HMBOX1: variants seen among roughly 807,000 people sequenced by gnomAD.
The protein encoded by HMBOX1 is homeobox containing 1.
HMBOX1 carries 14 observed loss-of-function variants against 54.5 expected under a neutral mutation model. The ratio of observed to expected loss-of-function variants is 0.26; its 90% CI spans 0.17 to 0.40. HMBOX1 has a LOEUF of 0.40. Ranked by LOEUF, HMBOX1 falls within the 10% of genes least tolerant of loss-of-function variation. HMBOX1 has a pLI of 1.00. For synonymous variants in HMBOX1, 160 were observed against 181.0 expected, an observed-to-expected ratio of 0.88 and a Z score of 0.93; for missense variants, 332 against 514.4, an observed-to-expected ratio of 0.65 and a Z score of 3.43.
chr8:28,953,626 A>C (rs575590580), intron 1 of HMBOX1, among the ~76,000 whole-genome samples: 9 of 150,218 alleles, frequency 6.0e-5, no homozygotes, highest in Admixed American at 2.7e-4. Context: ...TTAAGTTTCT[A>C]TGTCTAGTCT....
intron 3 of HMBOX1, among the ~76,000 whole-genome samples, chr8:28,973,813 T>TTTGTTTGTTTG (rs780679844): frequency 2.9e-5 from 1 of 35,030 alleles, no homozygotes; most frequent in African/African-American, 1.1e-4. Flanking sequence ...GTTTTTTTTT[T>TTTGTTTGTTTG]TTTTTTTTTT....
At chr8:29,026,245 C>T (rs748666890) in intron 6 of HMBOX1, among the ~76,000 whole-genome samples, 1 of 152,100 alleles carries the variant, frequency 6.6e-6, no homozygotes, top group Non-Finnish European at 1.5e-5. Flanking sequence ...ATTCCAAAAA[C>T]ATTTATTGTC....
intron 1 of HMBOX1, among the ~76,000 whole-genome samples, chr8:28,944,562 G>A (rs1025387511): frequency 1.8e-4 from 27 of 152,176 alleles, no homozygotes; most frequent in Admixed American, 1.0e-3. Context: ...GTCTCCAAAC[G>A]TTGGATTACT....
At position 28,921,322 on chromosome 8, in the gene HMBOX1, T is replaced by C. The variant is rs537357188; in HGVS notation, c.-58+30644T>C. ...CCGCACTCCAGCCTGGGCAACAGAG[T>C]GAGACCCTGTCTCAATCATACCTAA... On this transcript the variant is annotated intron_variant, in intron 1 of 9. Coordinates refer to ENST00000287701, the MANE Select transcript of HMBOX1 (RefSeq NM_001135726.3). Among the ~76,000 whole-genome samples, 3 of 152,264 alleles carry C rather than the reference T, an allele frequency of 2.0e-5. No individual in the cohort carries two copies. In the East Asian group the frequency reaches 5.8e-4, roughly 29 times the overall value.
At chr8:29,045,547 C>G (rs188244151) in intron 7 of HMBOX1, 104 bp downstream of exon 7, 1 of 867,420 alleles carries the variant, frequency 1.2e-6, no homozygotes, top group Admixed American at 1.8e-5. Flanking sequence ...ATGGTGCTCC[C>G]GGCTCAGTCT....
chr8:28,906,248 C>G (rs1563361265), intron 1 of HMBOX1, among the ~76,000 whole-genome samples: 1 of 152,094 alleles, frequency 6.6e-6, no homozygotes, highest in African/African-American at 2.4e-5. Context: ...AAATGTTAGC[C>G]CTTCTTTCCT....
chr8:29,049,957 T>C (rs1213395518), intron 9 of HMBOX1, among the ~76,000 whole-genome samples: 1 of 152,234 alleles, frequency 6.6e-6, no homozygotes, highest in Non-Finnish European at 1.5e-5. Flanking sequence ...TGCTGATCCC[T>C]TTGTAAATTC....
intron 1 of HMBOX1, among the ~76,000 whole-genome samples, chr8:28,907,293 T>C (rs1038772358): frequency 6.6e-5 from 10 of 152,058 alleles, no homozygotes; most frequent in African/African-American, 2.4e-4. Flanking sequence ...ATGAAGGGAG[T>C]AAGATGTTCT....
In HMBOX1 at chr8:29,027,811, G is replaced by C. The variant is rs545578254; in HGVS notation, c.851+8898G>C. Reference sequence around the variant, plus strand: ...TTTTTAATCGAAGTGGCTGAATGATGACCCTGTATTTGGGTGTATCCAGGA... The same window carrying C: ...TTTTTAATCGAAGTGGCTGAATGATCACCCTGTATTTGGGTGTATCCAGGA... On this transcript the variant is annotated intron_variant, in intron 6 of 9. Transcript: ENST00000287701. Among the ~76,000 whole-genome samples, 7 of 152,300 alleles carry C rather than the reference G, an allele frequency of 4.6e-5. No homozygotes were observed. The South Asian group carries it at 1.5e-3, about 32-fold the overall frequency.
chr8:29,034,110 T>A (rs963206462), intron 6 of HMBOX1, among the ~76,000 whole-genome samples: 11 of 152,208 alleles, frequency 7.2e-5, no homozygotes, highest in Non-Finnish European at 1.5e-4. Flanking sequence ...GTACAGAGGC[T>A]TATATATGTG....
chr8:29,019,135 T>C (rs191305365), intron 6 of HMBOX1, among the ~76,000 whole-genome samples: 3 of 152,320 alleles, frequency 2.0e-5, no homozygotes, highest in Admixed American at 6.5e-5. Context: ...ATTTTACTTA[T>C]AATAGTGTCC....
At chr8:28,987,500 A>G (rs1366956884) in intron 4 of HMBOX1, among the ~76,000 whole-genome samples, 2 of 152,218 alleles carry the variant, frequency 1.3e-5, no homozygotes, top group African/African-American at 4.8e-5. Flanking sequence ...TCTTAAAGCA[A>G]TATCATAAAT....
intron 1 of HMBOX1, among the ~76,000 whole-genome samples, chr8:28,917,312 A>C (rs1354579000): frequency 6.6e-6 from 1 of 152,030 alleles, no homozygotes; most frequent in Admixed American, 6.6e-5. Flanking sequence ...ATATTTTATG[A>C]TTTTGGTGCT....
At chr8:28,957,319 T>A (rs1368360661) in intron 1 of HMBOX1, among the ~76,000 whole-genome samples, 3 of 152,172 alleles carry the variant, frequency 2.0e-5, no homozygotes, top group Admixed American at 2.0e-4. Flanking sequence ...CAAAATTAAA[T>A]ACTGCATGTT....
chr8:28,911,845 C>A (rs1365396910), intron 1 of HMBOX1, among the ~76,000 whole-genome samples: 2 of 152,144 alleles, frequency 1.3e-5, no homozygotes, highest in Non-Finnish European at 2.9e-5. Context: ...AACCAGCCCA[C>A]TGCAGATACC....
chr8:28,963,994 T>A (rs1037138065), intron 2 of HMBOX1, 104 bp downstream of exon 2: 2 of 831,690 alleles, frequency 2.4e-6, no homozygotes, highest in African/African-American at 3.4e-5. Context: ...GTTTGTAGAG[T>A]TGAAAAGCTT....
At chr8:29,009,523 C>CTTT (rs10706846) in intron 5 of HMBOX1, 64 of 477,260 alleles carry the variant, frequency 1.3e-4, no homozygotes, top group African/African-American at 9.1e-4. Context: ...TTCCGTATCT[C>CTTT]TTTTTTTTTT....
intron 1 of HMBOX1, among the ~76,000 whole-genome samples, chr8:28,959,386 G>C (rs1386988246): frequency 1.3e-5 from 2 of 152,186 alleles, no homozygotes; most frequent in African/African-American, 2.4e-5. Context: ...TGAAGGAGGA[G>C]CATGAGGTTT....
intron 5 of HMBOX1, among the ~76,000 whole-genome samples, chr8:29,015,069 C>T (rs1428246154): frequency 6.6e-6 from 1 of 152,114 alleles, no homozygotes; most frequent in African/African-American, 2.4e-5. Context: ...TTCCTTCCTG[C>T]CCAGTTTTAT....
Sources: allele counts gnomAD v4.1 joint callset (sites outside exome capture counted in the v4.1 genomes callset), GRCh38; gene constraint gnomAD v4.1.1; transcripts MANE v1.5; gene names NCBI Gene and HGNC (gene_info 2026-07-23, HGNC 2026-07-21).